The following FHOD3 variants were observed in gnomAD, a reference collection of about 807,000 sequenced individuals.
The protein encoded by FHOD3 is FH1/FH2 domain-containing protein 3.
A neutral mutation model predicts 173.0 loss-of-function variants in FHOD3; 90 were observed. The ratio of observed to expected loss-of-function variants is 0.52; its 90% confidence interval spans 0.44 to 0.62. The LOEUF is 0.62. FHOD3 is among the 20% of genes least tolerant of loss of function. FHOD3 has a pLI of 0.00. For missense variants in FHOD3, 1,945 were observed against 2,034.7 expected (o/e 0.96, Z 0.85); for synonymous variants, 828 against 823.0 (o/e 1.01, Z -0.10).
chr18:36,542,338 A>T (rs1172818193), intron 5 of FHOD3, among the ~76,000 whole-genome samples: 1 of 152,198 alleles, frequency 6.6e-6, no homozygotes, highest in Non-Finnish European at 1.5e-5. Flanking sequence ...TATGAACTCA[A>T]ATCCCTTCAA....
intron 3 of FHOD3, among the ~76,000 whole-genome samples, chr18:36,396,168 G>T (rs1257648255): frequency 2.0e-5 from 3 of 152,120 alleles, no homozygotes; most frequent in Non-Finnish European, 2.9e-5. Flanking sequence ...TTGCCTAAAA[G>T]ATTTATTTTT....
chr18:36,609,245 A>G (rs560000705), intron 8 of FHOD3, among the ~76,000 whole-genome samples: 21 of 152,268 alleles, frequency 1.4e-4, no homozygotes, highest in Non-Finnish European at 2.4e-4. Context: ...GGAAGCTGCC[A>G]TTTTTGTCAG....
chr18:36,524,016 T>C (rs933896227), intron 5 of FHOD3, among the ~76,000 whole-genome samples: 2 of 152,124 alleles, frequency 1.3e-5, no homozygotes, highest in Admixed American at 1.3e-4. Context: ...CATGGTGGCT[T>C]ACACCTGTAA....
intron 9 of FHOD3, among the ~76,000 whole-genome samples, chr18:36,615,593 G>T (rs185947451): frequency 1.3e-5 from 2 of 152,224 alleles, no homozygotes; most frequent in African/African-American, 4.8e-5. Flanking sequence ...ACATGTTTAA[G>T]AATTTAATGT....
intron 3 of FHOD3, among the ~76,000 whole-genome samples, chr18:36,405,684 C>T (rs908871551): frequency 6.6e-6 from 1 of 152,132 alleles, no homozygotes; most frequent in African/African-American, 2.4e-5. Flanking sequence ...AGAATTTATG[C>T]TTCGTAAGTT....
At chr18:36,759,248 A>T in intron 26 of FHOD3, 107 bp downstream of exon 26, 1 of 1,224,728 alleles carries the variant, frequency 8.2e-7, no homozygotes, top group African/African-American at 1.5e-5. Flanking sequence ...TCAGTGCTTT[A>T]AACAATGCAT....
intron 3 of FHOD3, among the ~76,000 whole-genome samples, chr18:36,383,700 A>G (rs962966666): frequency 2.6e-5 from 4 of 152,246 alleles, no homozygotes; most frequent in Non-Finnish European, 5.9e-5. Flanking sequence ...GCACTCGACA[A>G]GTGTATCTCC....
chr18:36,652,340 A>G (rs914252826), intron 11 of FHOD3, among the ~76,000 whole-genome samples: 6 of 152,384 alleles, frequency 3.9e-5, no homozygotes, highest in South Asian at 2.1e-4. Flanking sequence ...CTTGCCCTCT[A>G]TAAGTCTTAC....
Position 36,297,817 on chromosome 18 carries a change from C to A in FHOD3, c.-19C>A. 1 of 1,497,828 alleles carries A rather than the reference C, an allele frequency of 6.7e-7. No individual in the cohort carries two copies. The highest frequency in any genetic ancestry group is 3.0e-5 in the East Asian group (1 of 33,716). 92.8% of individuals were successfully genotyped at this position (1,497,828 alleles called of 1,614,324 possible). The stretch of plus-strand genomic sequence containing the variant: ...CCCCGCTAACCCCGGGGCCCGCGCC[C>A]CCGCGGCAGGGATGCATCATGGCCA... On this transcript the variant is annotated 5_prime_UTR_variant, in exon 1 of 29. Transcript: ENST00000590592.
intron 16 of FHOD3, among the ~76,000 whole-genome samples, chr18:36,688,545 A>G (rs1258489010): frequency 2.0e-5 from 3 of 152,260 alleles, no homozygotes; most frequent in Non-Finnish European, 2.9e-5. Flanking sequence ...TGCTAAAGAA[A>G]TAGGAAGCTT....
chr18:36,686,296 C>A (rs996850981), intron 15 of FHOD3, among the ~76,000 whole-genome samples: 1 of 151,922 alleles, frequency 6.6e-6, no homozygotes, highest in Non-Finnish European at 1.5e-5. Context: ...AGATCACATC[C>A]TTCGCAAGGA....
At position 36,456,070 on chromosome 18, in the gene FHOD3, G is replaced by C. The variant is rs535747353; in HGVS notation, c.338-45862G>C. On this transcript the variant is annotated intron_variant, in intron 3 of 28. Coordinates refer to ENST00000590592, the MANE Select transcript of FHOD3 (RefSeq NM_001281740.3). ...CATCCCCTAGGGCTTGTACTTTTCC[G>C]ATGTTTTCCAGACCCCCTGTGAAGT... 2.6e-5 allele frequency among the ~76,000 whole-genome samples: 4 copies of C among 152,160 alleles called. No individual in the cohort carries two copies. The East Asian group carries it at 7.7e-4, about 29-fold the overall frequency.
rs571460399 is a variant in FHOD3, at chr18:36,755,264, G to A, written c.4378G>A (p.Ala1460Thr). The change falls in exon 25 of 29, where the codon GCC becomes ACC. Residue 1460 changes from alanine (A) to threonine (T), a missense_variant. This residue lies in a region of FHOD3 where 354 missense variants were observed against 359.9 expected (regional missense o/e 0.98). Transcript: ENST00000590592. ...GGTTTTGCAGCAGAAACAGAAACGG[G>A]CCAACCACAGAGAGAGAAATAAGAC... is the stretch of plus-strand genomic sequence containing the variant. ...ERVLQQKQKR[A>T]NHRERNKTRG... The A allele has an allele frequency of 1.7e-5, 28 of 1,610,646 alleles. No homozygotes were observed. Among genetic ancestry groups the A allele is most frequent in the African/African-American group, 5.4e-5 (4 of 74,748 alleles).
At chr18:36,654,947 A>C (rs2036309434) in intron 13 of FHOD3, among the ~76,000 whole-genome samples, 1 of 152,214 alleles carries the variant, frequency 6.6e-6, no homozygotes, top group Non-Finnish European at 1.5e-5. Context: ...CATTTTTAAA[A>C]AGAGCAGATA....
intron 14 of FHOD3, among the ~76,000 whole-genome samples, chr18:36,666,165 A>G (rs2037167707): frequency 6.6e-6 from 1 of 152,254 alleles, no homozygotes; most frequent in African/African-American, 2.4e-5. Context: ...GAGCCCTGCT[A>G]TTCCTTCCCA....
At chr18:36,456,690 G>A (rs1019461882) in intron 3 of FHOD3, among the ~76,000 whole-genome samples, 2 of 151,986 alleles carry the variant, frequency 1.3e-5, no homozygotes, top group African/African-American at 4.8e-5. Flanking sequence ...GGTCAGAGAG[G>A]GACCCACTTC....
chr18:36,533,073 G>A (rs1045146850), intron 5 of FHOD3, among the ~76,000 whole-genome samples: 3 of 152,154 alleles, frequency 2.0e-5, no homozygotes, highest in African/African-American at 7.2e-5. Flanking sequence ...ATGCTTCCTC[G>A]AGGCCACAGA....
intron 5 of FHOD3, among the ~76,000 whole-genome samples, chr18:36,533,692 G>T (rs1371635696): frequency 6.6e-6 from 1 of 152,340 alleles, no homozygotes; most frequent in Non-Finnish European, 1.5e-5. Context: ...TTATGTCTTA[G>T]TTATTGGGGA....
chr18:36,575,430 C>T (rs901706396), intron 5 of FHOD3, among the ~76,000 whole-genome samples: 1 of 152,080 alleles, frequency 6.6e-6, no homozygotes, highest in Non-Finnish European at 1.5e-5. Context: ...CACATATAAA[C>T]TTTGTGTGTG....
Sources: allele counts gnomAD v4.1 joint callset (sites outside exome capture counted in the v4.1 genomes callset), GRCh38; gene constraint gnomAD v4.1.1; regional missense constraint gnomAD v4.1.1; transcripts MANE v1.5; gene names NCBI Gene and HGNC (gene_info 2026-07-23, HGNC 2026-07-21).